Variants in STK32C observed in about 807,000 individuals in gnomAD.
STK32C encodes serine/threonine-protein kinase 32C.
STK32C carries 31 observed loss-of-function variants against 56.5 expected under a neutral mutation model. That is an observed-to-expected ratio of 0.55 (90% confidence interval 0.41 to 0.74). The LOEUF (loss-of-function observed/expected upper bound fraction) is 0.74. STK32C is among the 30% of genes least tolerant of loss of function. STK32C has a pLI of 0.00. For missense variants in STK32C, 544 were observed against 676.9 expected (o/e 0.80, Z 2.18); for synonymous variants, 309 against 289.4 (o/e 1.07, Z -0.69).
At chr10:132,330,207 C>T (rs1289236503) in intron 1 of STK32C, 4 of 521,648 alleles carry the variant, frequency 7.7e-6, no homozygotes, top group Non-Finnish European at 1.4e-5. Context: ...CAATTAACTA[C>T]TGACTACAAA....
chr10:132,216,417 C>T (rs1048647434), intron 10 of STK32C, among the ~76,000 whole-genome samples: 2 of 151,298 alleles, frequency 1.3e-5, no homozygotes, highest in African/African-American at 4.9e-5. Flanking sequence ...TGGCAATGAG[C>T]CGCCATTGCA....
chr10:132,326,500 T>C (rs571027959), intron 1 of STK32C, among the ~76,000 whole-genome samples: 42 of 152,334 alleles, frequency 2.8e-4, no homozygotes, highest in African/African-American at 9.6e-4. Flanking sequence ...ATTTTTGTAT[T>C]ATTAGTAGTG....
chr10:132,294,598 G>A (rs982162181), intron 1 of STK32C, among the ~76,000 whole-genome samples: 2 of 152,088 alleles, frequency 1.3e-5, no homozygotes, highest in Non-Finnish European at 2.9e-5. Context: ...CTCCACTCTC[G>A]GGACACGAAC....
chr10:132,231,865 C>T lies in STK32C; in HGVS notation c.319-3737G>A, dbSNP rs543051715. ...CGAGTGGCCAGCAGCCACCAGACGC[C>T]GGGAGAAGGCACAGCGGGTCCTCCC... On this transcript the variant is annotated intron_variant, in intron 2 of 11. Coordinates refer to ENST00000298630, the MANE Select transcript of STK32C (RefSeq NM_173575.4). 1.7e-3 allele frequency among the ~76,000 whole-genome samples: 265 copies of T among 152,332 alleles called. 1 individual carries two copies. The highest frequency in any genetic ancestry group is 5.7e-3 in the African/African-American group (239 of 41,570).
In STK32C at chr10:132,307,713, C is replaced by A. The variant is rs1256049355; in HGVS notation, c.121G>T (p.Gly41Cys). Residue 41 changes from glycine (G) to cysteine (C), a missense_variant, in exon 1 of 12, where the codon GGC becomes TGC. Physicochemically the swap from Gly to Cys is radical, Grantham distance 159 (BLOSUM62 -3). Around this residue, in one of 3 missense-constraint regions of STK32C, gnomAD observed 182 missense variants for 217.7 expected, o/e 0.84. Transcript: ENST00000298630. The surrounding 1 kb of genome is among the most constrained non-coding windows in gnomAD (Gnocchi z 4.4). ...CCCGAGTCCCGGGCCCGGGGCTGGC[C>A]AGCAGCGGGCGGCGGCAGGGCCGAG... The part of the protein sequence containing the change: ...APSALPPPAA[G>C]QPRARDSGDV... The A allele has an allele frequency of 5.9e-6, 8 of 1,347,584 alleles. No individual in the cohort carries two copies. Among genetic ancestry groups the A allele is most frequent in the East Asian group, 6.2e-5 (2 of 32,404 alleles). 83.5% of individuals were successfully genotyped at this position (1,347,584 alleles called of 1,614,324 possible).
intron 1 of STK32C, among the ~76,000 whole-genome samples, chr10:132,325,818 T>C (rs1590518578): frequency 6.6e-6 from 1 of 150,870 alleles, no homozygotes; most frequent in Admixed American, 6.6e-5. Flanking sequence ...GCCTCCCGGG[T>C]TCATGCCATT....
chr10:132,316,203 T>TA (rs890788976), intron 1 of STK32C, among the ~76,000 whole-genome samples: 27 of 151,594 alleles, frequency 1.8e-4, no homozygotes, highest in African/African-American at 4.1e-4. Context: ...AAATAAATTG[T>TA]AAAAAAAAAT....
At chr10:132,259,205 A>C (rs1406223774) in intron 1 of STK32C, among the ~76,000 whole-genome samples, 12 of 152,178 alleles carry the variant, frequency 7.9e-5, no homozygotes, top group Admixed American at 7.9e-4. Flanking sequence ...CAGGTGGGAA[A>C]ATGGGCCCTG....
chr10:132,283,277 TG>T (rs143248860), intron 1 of STK32C, among the ~76,000 whole-genome samples: 7,053 of 152,308 alleles, frequency 0.046, 217 homozygotes, highest in Non-Finnish European at 0.054. Context: ...TCAGTGGCTT[TG>T]GGGATGACTG....
chr10:132,286,756 T>C (rs751559745), intron 1 of STK32C, among the ~76,000 whole-genome samples: 1 of 152,186 alleles, frequency 6.6e-6, no homozygotes, highest in African/African-American at 2.4e-5. Flanking sequence ...AGATTTCCTC[T>C]ACCTGATAAA....
chr10:132,306,790 G>A (rs1008611561), intron 1 of STK32C: 2 of 152,234 alleles, frequency 1.3e-5, no homozygotes, highest in African/African-American at 4.8e-5. Context: ...CTGTATGTCT[G>A]CATGTGACTG....
chr10:132,212,873 C>G (rs1042116346), intron 10 of STK32C, among the ~76,000 whole-genome samples: 9 of 152,246 alleles, frequency 5.9e-5, no homozygotes, highest in Admixed American at 5.9e-4. Context: ...CGGCGACCCC[C>G]AAGTCTGGAG....
chr10:132,238,793 ACAT>A (rs2063390783), intron 2 of STK32C, among the ~76,000 whole-genome samples: 1 of 152,152 alleles, frequency 6.6e-6, no homozygotes, highest in Admixed American at 6.6e-5. Flanking sequence ...ACACACACAC[ACAT>A]ACCACATACA....
At chr10:132,270,612 T>C (rs781470142) in intron 1 of STK32C, among the ~76,000 whole-genome samples, 4 of 152,172 alleles carry the variant, frequency 2.6e-5, no homozygotes, top group Non-Finnish European at 4.4e-5. Context: ...CCACGCCTGC[T>C]CCCCGGCCTG....
Position 132,255,435 on chromosome 10 carries a change from A to T in STK32C, c.263-9480T>A, listed in dbSNP as rs949031111. Among the ~76,000 whole-genome samples, 18 of 152,130 alleles carry T rather than the reference A, an allele frequency of 1.2e-4. No homozygotes were observed. The highest frequency in any genetic ancestry group is 2.1e-4 in the Non-Finnish European group (14 of 68,024). ...CTCACAGACCCCTCACCCTCTTGCCATGGCCTGCGGGAACAAAGACCCACC... is the reference window on the plus strand; with the variant it reads ...CTCACAGACCCCTCACCCTCTTGCCTTGGCCTGCGGGAACAAAGACCCACC... On this transcript the variant is annotated intron_variant, in intron 1 of 11. Coordinates refer to ENST00000298630, the MANE Select transcript of STK32C (RefSeq NM_173575.4). The surrounding 1 kb of genome is among the most constrained non-coding windows in gnomAD (Gnocchi z 4.6).
At chr10:132,235,494 TAA>T (rs56193362) in intron 2 of STK32C, among the ~76,000 whole-genome samples, 3 of 108,114 alleles carry the variant, frequency 2.8e-5, no homozygotes, top group African/African-American at 3.6e-5. Flanking sequence ...GACTCAGCCT[TAA>T]AAAAAAAAAA....
At chr10:132,254,868 T>C (rs958770574) in intron 1 of STK32C, among the ~76,000 whole-genome samples, 1 of 152,080 alleles carries the variant, frequency 6.6e-6, no homozygotes, top group African/African-American at 2.4e-5. Context: ...CTTGATGTCT[T>C]TGGAGGCCCG....
chr10:132,291,963 C>T (rs918857877), intron 1 of STK32C, among the ~76,000 whole-genome samples: 2 of 152,168 alleles, frequency 1.3e-5, no homozygotes, highest in African/African-American at 4.8e-5. Flanking sequence ...AAGAGCATTG[C>T]AGTGAGGTCC....
At chr10:132,225,686 C>T (rs1422805720) in intron 5 of STK32C, 61 bp downstream of exon 5, 2 of 1,611,688 alleles carry the variant, frequency 1.2e-6, no homozygotes, top group Non-Finnish European at 8.5e-7. Context: ...GGATCCTCCT[C>T]CCCTGACAGG....
Sources: allele counts gnomAD v4.1 joint callset (sites outside exome capture counted in the v4.1 genomes callset), GRCh38; gene constraint gnomAD v4.1.1; regional missense constraint gnomAD v4.1.1; non-coding constraint Gnocchi (gnomAD v3.1); transcripts MANE v1.5; gene names NCBI Gene and HGNC (gene_info 2026-07-23, HGNC 2026-07-21).